Variants in DLC1 observed in about 807,000 individuals in gnomAD.
DLC1 encodes the protein DLC1 Rho GTPase activating protein.
A neutral mutation model predicts 140.3 loss-of-function variants in DLC1; 54 were observed. The observed-to-expected ratio is 0.38, with a 90% CI of 0.31 to 0.48. The LOEUF (loss-of-function observed/expected upper bound fraction) is 0.48, where lower values mean the gene tolerates loss of function less well. Ranked by LOEUF, DLC1 falls within the 20% of genes least tolerant of loss-of-function variation. The pLI is 0.96. For missense variants in DLC1, 2,536 were observed against 1,907.0 expected (o/e 1.33, Z -6.14); for synonymous variants, 986 against 728.1 (o/e 1.35, Z -5.70).
At chr8:13,232,437 G>A (rs2583098) in intron 5 of DLC1, among the ~76,000 whole-genome samples, 72,409 of 151,738 alleles carry the variant, frequency 0.48, 17,740 homozygotes, top group East Asian at 0.79. Context: ...GGGTTCAAGC[G>A]ATTCTCCTGC....
At chr8:13,181,418 T>C (rs1826028722) in intron 5 of DLC1, among the ~76,000 whole-genome samples, 1 of 151,752 alleles carries the variant, frequency 6.6e-6, no homozygotes, top group South Asian at 2.1e-4. Flanking sequence ...ACATGGGCCA[T>C]GTTGCTTTGC....
intron 2 of DLC1, among the ~76,000 whole-genome samples, chr8:13,473,382 G>A (rs1335583132): frequency 2.0e-5 from 3 of 152,038 alleles, no homozygotes; most frequent in Non-Finnish European, 4.4e-5. Context: ...TTTAAAAACG[G>A]GGGTTTCCCT....
chr8:13,540,296 C>T (rs1001343616), intron 1 of DLC1, among the ~76,000 whole-genome samples: 61 of 152,212 alleles, frequency 4.0e-4, no homozygotes, highest in African/African-American at 1.4e-3. Context: ...CATTTCACTC[C>T]AACTTTAGTA....
chr8:13,580,875 G>T (rs1290650744), intron 1 of DLC1, among the ~76,000 whole-genome samples: 5 of 152,158 alleles, frequency 3.3e-5, no homozygotes, highest in African/African-American at 1.2e-4. Flanking sequence ...CAAGAGAATG[G>T]ATTGTTTTCT....
rs893777266 is a variant in DLC1, at chr8:13,488,801, C to T, written c.1023+10248G>A. On this transcript the variant is annotated intron_variant, in intron 2 of 17. Coordinates refer to ENST00000276297, the MANE Select transcript of DLC1 (RefSeq NM_182643.3). The stretch of plus-strand genomic sequence containing the variant: ...AGTTAGTTATTTGTGTGTTACATTG[C>T]CCCTACTAATGTGTAAACACCTTTA... 2.0e-5 allele frequency among the ~76,000 whole-genome samples: 3 copies of T among 152,264 alleles called. No homozygotes were observed. In the South Asian group the frequency reaches 6.2e-4, roughly 32 times the overall value.
At chr8:13,543,307 A>T (rs1440838415) in intron 1 of DLC1, among the ~76,000 whole-genome samples, 1 of 152,152 alleles carries the variant, frequency 6.6e-6, no homozygotes, top group East Asian at 1.9e-4. Context: ...TAGAATTGTG[A>T]TATTTGTATT....
At chr8:13,522,641 A>T (rs1802800620) in intron 1 of DLC1, among the ~76,000 whole-genome samples, 1 of 151,978 alleles carries the variant, frequency 6.6e-6, no homozygotes, top group African/African-American at 2.4e-5. Flanking sequence ...TAAATAAATA[A>T]ACAAATAAAT....
intron 5 of DLC1, chr8:13,304,919 G>C (rs533585103): frequency 2.0e-6 from 2 of 1,003,796 alleles, no homozygotes; most frequent in Non-Finnish European, 2.4e-6. Flanking sequence ...AAGTCATTAA[G>C]AGTAAAAATA....
chr8:13,563,743 T>A (rs1198123786), intron 1 of DLC1, among the ~76,000 whole-genome samples: 1 of 152,200 alleles, frequency 6.6e-6, no homozygotes, highest in African/African-American at 2.4e-5. Flanking sequence ...TAGAAATGTA[T>A]GTAAAGATTT....
intron 5 of DLC1, among the ~76,000 whole-genome samples, chr8:13,275,850 A>G (rs1469605240): frequency 6.6e-6 from 1 of 152,138 alleles, no homozygotes; most frequent in African/African-American, 2.4e-5. Context: ...CACACACGCC[A>G]GGGCACCTCA....
chr8:13,431,441 C>G (rs79267326), intron 2 of DLC1, among the ~76,000 whole-genome samples: 1 of 139,018 alleles, frequency 7.2e-6, no homozygotes, highest in African/African-American at 2.7e-5. Flanking sequence ...CAAGATCACG[C>G]CACTGCACTC....
At chr8:13,103,839 CAAAAAAAA>C (rs1002564334) in intron 7 of DLC1, among the ~76,000 whole-genome samples, 3 of 60,808 alleles carry the variant, frequency 4.9e-5, no homozygotes, top group African/African-American at 1.5e-4. Context: ...GACTCCATCT[CAAAAAAAA>C]AAAAAAAAAA....
rs149889739 is a variant in DLC1 at position 13,562,023 on chromosome 8, G to A, written c.-126+42514C>T. ...TACTAAAGACAGGAGTTACGGGTAG[G>A]TTGAAGGTATGCCAAAAAAGGAGAT... On this transcript the variant is annotated intron_variant, in intron 1 of 1. Coordinates refer to the DLC1 transcript ENST00000631382. Among the ~76,000 whole-genome samples the A allele has an allele frequency of 1.6e-4, 24 of 152,212 alleles. No individual in the cohort carries two copies. The South Asian group carries it at 2.7e-3, about 17-fold the overall frequency.
At chr8:13,203,324 C>T (rs1827496307) in intron 5 of DLC1, among the ~76,000 whole-genome samples, 1 of 152,064 alleles carries the variant, frequency 6.6e-6, no homozygotes, top group Admixed American at 6.6e-5. Flanking sequence ...CAAACAATAC[C>T]TGGGCTACTC....
intron 2 of DLC1, among the ~76,000 whole-genome samples, chr8:13,492,047 G>C (rs1259633290): frequency 6.6e-6 from 1 of 152,094 alleles, no homozygotes; most frequent in Non-Finnish European, 1.5e-5. Flanking sequence ...ATTACAGTAG[G>C]AATATATACA....
At position 13,499,911 on chromosome 8, in the gene DLC1, C is replaced by A; in HGVS notation, c.161G>T (p.Arg54Leu). 7.4e-6 allele frequency: 12 copies of A among 1,614,036 alleles called. No homozygotes were observed. The highest frequency in any genetic ancestry group is 9.3e-6 in the Non-Finnish European group (11 of 1,179,994). ...AGGTAGTGAAACACACTTCTCTTTG[C>A]GGTCCACATTTAGAGTTGCATCTTT... ...MEKDATLNVD[R>L]KEKCVSLPDC... is the part of the protein sequence containing the mutation. The change falls in exon 2 of 18, where the codon CGC becomes CTC. Residue 54 changes from arginine to leucine, a missense_variant. Physicochemically the swap from Arg to Leu is moderately radical, Grantham distance 102 (BLOSUM62 -2). Coordinates refer to ENST00000276297, the MANE Select transcript of DLC1 (RefSeq NM_182643.3).
At chr8:13,435,777 T>C (rs1308367238) in intron 2 of DLC1, among the ~76,000 whole-genome samples, 1 of 152,228 alleles carries the variant, frequency 6.6e-6, no homozygotes, top group African/African-American at 2.4e-5. Flanking sequence ...TTCTGAAAGA[T>C]ATGCTACTCT....
At chr8:13,567,219 T>C (rs1246605614) in intron 1 of DLC1, 2 of 1,551,552 alleles carry the variant, frequency 1.3e-6, no homozygotes, top group Admixed American at 2.0e-5. Flanking sequence ...TTTTGGACTA[T>C]AAAAATTATG....
chr8:13,435,184 T>C (rs1839063345), intron 2 of DLC1, among the ~76,000 whole-genome samples: 1 of 152,182 alleles, frequency 6.6e-6, no homozygotes, highest in Non-Finnish European at 1.5e-5. Flanking sequence ...ATTCCAATCC[T>C]CATGGATGAC....
Sources: allele counts gnomAD v4.1 joint callset (sites outside exome capture counted in the v4.1 genomes callset), GRCh38; gene constraint gnomAD v4.1.1; transcripts MANE v1.5; gene names NCBI Gene and HGNC (gene_info 2026-07-23, HGNC 2026-07-21).